The following NELL1 variants were observed in gnomAD, a reference collection of about 807,000 sequenced individuals.
NELL1 encodes neural EGFL like 1, also known as protein kinase C-binding protein NELL1.
Under a neutral mutation model 107.4 loss-of-function variants are expected in NELL1, and 76 were observed. The observed-to-expected ratio is 0.71, with a 90% CI of 0.59 to 0.86. The LOEUF (loss-of-function observed/expected upper bound fraction) is 0.86. Ranked by LOEUF, NELL1 falls within the 40% of genes least tolerant of loss-of-function variation. The pLI, the probability that NELL1 is intolerant of heterozygous loss-of-function variation, is 0.00. For missense variants in NELL1, 1,024 were observed against 1,005.5 expected, an observed-to-expected ratio of 1.02 and a Z score of -0.25; for synonymous variants, 353 against 341.2, an observed-to-expected ratio of 1.03 and a Z score of -0.38.
chr11:20,960,766 T>C (rs1299898380), intron 12 of NELL1, among the ~76,000 whole-genome samples: 1 of 152,208 alleles, frequency 6.6e-6, no homozygotes, highest in East Asian at 1.9e-4. Context: ...TTGAAGGTCG[T>C]TATGAAGCAC....
chr11:20,724,028 ATGT>A, intron 2 of NELL1, among the ~76,000 whole-genome samples: 1 of 19,510 alleles, frequency 5.1e-5, no homozygotes, highest in Non-Finnish European at 4.1e-4. Flanking sequence ...GCAGGGTGCC[ATGT>A]CCTGAGGCTG....
At chr11:21,389,485 C>G (rs1026396961) in intron 15 of NELL1, among the ~76,000 whole-genome samples, 8 of 151,774 alleles carry the variant, frequency 5.3e-5, no homozygotes, top group Non-Finnish European at 1.5e-5. Context: ...AGGCTGCTCT[C>G]AAGCCTTGAA....
At chr11:21,126,794 C>G (rs1195191477) in intron 13 of NELL1, among the ~76,000 whole-genome samples, 5 of 152,144 alleles carry the variant, frequency 3.3e-5, no homozygotes, top group Non-Finnish European at 5.9e-5. Context: ...GGAAGATGAG[C>G]CTAGAATCAG....
At chr11:21,156,403 G>A (rs905716160) in intron 13 of NELL1, among the ~76,000 whole-genome samples, 3 of 152,064 alleles carry the variant, frequency 2.0e-5, no homozygotes, top group South Asian at 2.1e-4. Flanking sequence ...GAGGTGTGTC[G>A]GTTAGGGAGA....
At chr11:21,500,555 C>G (rs1855111445) in intron 15 of NELL1, among the ~76,000 whole-genome samples, 1 of 152,012 alleles carries the variant, frequency 6.6e-6, no homozygotes, top group African/African-American at 2.4e-5. Context: ...ACCTACAGTT[C>G]CCAACAATTC....
intron 1 of NELL1, among the ~76,000 whole-genome samples, chr11:20,675,219 C>T (rs1302264555): frequency 6.6e-6 from 1 of 152,162 alleles, no homozygotes; most frequent in East Asian, 1.9e-4. Context: ...AGTTACATGG[C>T]TTGCCTCAAA....
At chr11:20,975,999 TTATA>T (rs58933053) in intron 12 of NELL1, among the ~76,000 whole-genome samples, 4 of 136,428 alleles carry the variant, frequency 2.9e-5, no homozygotes, top group African/African-American at 1.2e-4. Flanking sequence ...TATATGTGTA[TTATA>T]TATACATTAT....
rs760564470 is a variant in NELL1, at chr11:20,977,154, A to G, written c.1300+16594A>G. On this transcript the variant is annotated intron_variant, in intron 12 of 19. Transcript: ENST00000357134. ...ATATATATTGTTTCCTTAGTATCCT[A>G]TAAACTCTCATAATTTAGGGATTTT... is the stretch of plus-strand genomic sequence containing the variant. Among the ~76,000 whole-genome samples the G allele has an allele frequency of 5.3e-4, 81 of 152,132 alleles. 2 individuals are homozygous for G. Among genetic ancestry groups the G allele is most frequent in the Middle Eastern group, 3.4e-3 (1 of 294 alleles).
intron 17 of NELL1, among the ~76,000 whole-genome samples, chr11:21,563,280 G>T (rs1856893559): frequency 6.6e-6 from 1 of 152,054 alleles, no homozygotes; most frequent in Admixed American, 6.6e-5. Flanking sequence ...TACATGGGAA[G>T]GTAGAGACGT....
At chr11:20,819,052 C>T (rs1564921862) in intron 3 of NELL1, among the ~76,000 whole-genome samples, 1 of 152,180 alleles carries the variant, frequency 6.6e-6, no homozygotes, top group Non-Finnish European at 1.5e-5. Context: ...AGGTATCTGG[C>T]TCCTCAGCAC....
intron 15 of NELL1, among the ~76,000 whole-genome samples, chr11:21,517,227 T>G (rs1281378130): frequency 1.3e-5 from 2 of 152,194 alleles, no homozygotes; most frequent in Non-Finnish European, 2.9e-5. Context: ...AGAGTGGTTT[T>G]GGGCTCAGAA....
chr11:21,558,399 AATAT>A (rs58550867), intron 16 of NELL1, among the ~76,000 whole-genome samples: 1 of 149,410 alleles, frequency 6.7e-6, no homozygotes, highest in African/African-American at 2.4e-5. Context: ...CAAGCTACAT[AATAT>A]ATATATATAT....
chr11:21,471,842 C>T (rs1195138738), intron 15 of NELL1, among the ~76,000 whole-genome samples: 1 of 152,072 alleles, frequency 6.6e-6, no homozygotes, highest in Non-Finnish European at 1.5e-5. Context: ...TACATGCATG[C>T]ATACACATGT....
chr11:20,947,317 C>G lies in NELL1; in HGVS notation c.1072-19C>G. The G allele has an allele frequency of 6.4e-7, 1 of 1,556,626 alleles. No individual in the cohort carries two copies. The highest frequency in any genetic ancestry group is 8.9e-7 in the Non-Finnish European group (1 of 1,128,294). On this transcript the variant is annotated intron_variant, in intron 10 of 19. Transcript: ENST00000357134. ...AAAAATGTGAACATCTTTTTCTTTCCCTAATATTTGGCTTCCAGGGTGGAG... is the reference window on the plus strand; with the variant it reads ...AAAAATGTGAACATCTTTTTCTTTCGCTAATATTTGGCTTCCAGGGTGGAG...
intron 2 of NELL1, among the ~76,000 whole-genome samples, chr11:20,769,811 C>T (rs942589130): frequency 2.6e-5 from 4 of 152,032 alleles, no homozygotes; most frequent in Non-Finnish European, 4.4e-5. Flanking sequence ...CCATGTCTTG[C>T]GCTCTGAGAT....
At chr11:21,514,654 C>CT (rs368012729) in intron 15 of NELL1, among the ~76,000 whole-genome samples, 1 of 135,994 alleles carries the variant, frequency 7.4e-6, no homozygotes, top group African/African-American at 2.8e-5. Flanking sequence ...TTAAATATAG[C>CT]TCCCCTGTGC....
rs146847834 is a variant in NELL1 at position 20,699,090 on chromosome 11, A to T, written c.184+21030A>T. ...AAATTAGCTGGGCATGGTGGCGCAC[A>T]TCTGTAGCCCTAGCTACTCGGGAGG... On this transcript the variant is annotated intron_variant, in intron 2 of 19. Coordinates refer to ENST00000357134, the MANE Select transcript of NELL1 (RefSeq NM_006157.5). Among the ~76,000 whole-genome samples the T allele has an allele frequency of 9.5e-3, 1,437 of 151,874 alleles. 17 individuals are homozygous for T. Among genetic ancestry groups the T allele is most frequent in the Non-Finnish European group, 0.013 (884 of 67,984 alleles).
chr11:20,744,968 C>T (rs112052025), intron 2 of NELL1, among the ~76,000 whole-genome samples: 5,321 of 152,244 alleles, frequency 0.035, 303 homozygotes, highest in African/African-American at 0.12. Context: ...TATGTGTTAC[C>T]TCCTTAGAGA....
intron 15 of NELL1, among the ~76,000 whole-genome samples, chr11:21,374,883 GTGTC>G (rs1334714471): frequency 3.9e-3 from 346 of 89,546 alleles, no homozygotes; most frequent in African/African-American, 9.8e-3. Flanking sequence ...CTGACTGTGT[GTGTC>G]TGTGTGTGTG....
Sources: gnomAD v4.1 joint callset for allele counts (sites outside exome capture counted in the v4.1 genomes callset) on GRCh38, gnomAD v4.1.1 for gene constraint, MANE v1.5 for transcripts, NCBI Gene and HGNC (gene_info 2026-07-23, HGNC 2026-07-21) for gene names.